Variants in WDR20 observed in about 807,000 individuals in gnomAD.
The protein encoded by WDR20 is WD repeat domain 20.
Under a neutral mutation model 38.7 loss-of-function variants are expected in WDR20, and 3 were observed. The ratio of observed to expected loss-of-function variants is 0.08; its 90% CI spans 0.04 to 0.20. The LOEUF is 0.20. Among genes scored for constraint, WDR20 ranks in the 10% least tolerant of loss-of-function variants. The pLI is 1.00. For missense variants in WDR20, 559 were observed against 727.7 expected (o/e 0.77, Z 2.67); for synonymous variants, 298 against 285.6 (o/e 1.04, Z -0.44).
Position 102,209,462 on chromosome 14 carries a change from G to C in WDR20, c.1292G>C (p.Arg431Pro). The C allele has an allele frequency of 6.2e-7, 1 of 1,614,136 alleles. No individual in the cohort carries two copies. The highest frequency in any genetic ancestry group is 1.1e-5 in the South Asian group (1 of 91,084). Reference protein sequence around the residue: ...PGNSVPPPLPRSNSLPHSAVS... With the variant: ...PGNSVPPPLPPSNSLPHSAVS... ...AACTCTGTGCCGCCTCCTCTGCCAC[G>C]GTCCAACAGCCTTCCACATTCAGCA... Residue 431 changes from arginine (R) to proline (P), a missense_variant, in exon 3 of 3, where the codon CGG becomes CCG. Physicochemically the swap from Arg to Pro is moderately radical, Grantham distance 103. Transcript: ENST00000342702. This position sits in a 1 kb window ranked among gnomAD's most constrained non-coding sequence, Gnocchi z 6.0.
chr14:102,209,949 C>G lies in WDR20; in HGVS notation c.*69C>G. ...TTTTTCGTGGGAGGGGTGGGGTGTACAATGAATGTGAATGACACTTCTTAT... is the reference window on the plus strand; with the variant it reads ...TTTTTCGTGGGAGGGGTGGGGTGTAGAATGAATGTGAATGACACTTCTTAT... On this transcript the variant is annotated 3_prime_UTR_variant, in exon 3 of 3. Transcript: ENST00000342702. This position sits in a 1 kb window ranked among gnomAD's most constrained non-coding sequence, Gnocchi z 6.0. 1 of 1,509,694 alleles carries G rather than the reference C, an allele frequency of 6.6e-7. No individual in the cohort carries two copies. The highest frequency in any genetic ancestry group is 1.4e-5 in the South Asian group (1 of 74,042). 93.5% of individuals were successfully genotyped at this position (1,509,694 alleles called of 1,614,324 possible). A position where few individuals can be genotyped will look rare whatever the true frequency, so the allele number is the denominator to read the frequency against.
chr14:102,187,375 G>A (rs1229544189), intron 1 of WDR20, among the ~76,000 whole-genome samples: 2 of 151,598 alleles, frequency 1.3e-5, no homozygotes, highest in African/African-American at 4.9e-5. Context: ...GATAGGCATC[G>A]GTGAAGGGGT....
At chr14:102,151,688 C>T (rs2152724734) in intron 1 of WDR20, among the ~76,000 whole-genome samples, 1 of 151,914 alleles carries the variant, frequency 6.6e-6, no homozygotes, top group South Asian at 2.1e-4. Flanking sequence ...CATGCTGGGC[C>T]AGGAAATATT....
Position 102,188,694 on chromosome 14 carries a change from ACT to A in WDR20, c.250-6243_250-6242del, listed in dbSNP as rs534747609. Among the ~76,000 whole-genome samples the A allele has an allele frequency of 3.8e-3, 575 of 150,508 alleles. 8 individuals carry two copies. In the East Asian group the frequency reaches 0.048, roughly 13 times the overall value. On this transcript the variant is annotated intron_variant, in intron 1 of 2. Transcript: ENST00000342702. ...ACCAGCCTGGGCAACATGGCAAGAC[ACT>A]GTCTCTACAGAAAATTAAAAAAAAA...
chr14:102,185,773 G>A (rs971624548), intron 1 of WDR20, among the ~76,000 whole-genome samples: 5 of 148,974 alleles, frequency 3.4e-5, no homozygotes, highest in East Asian at 1.9e-4. Context: ...TCGAGATTGC[G>A]CCACTGCAGT....
At chr14:102,199,448 A>T (rs2059946845) in intron 2 of WDR20, among the ~76,000 whole-genome samples, 1 of 152,068 alleles carries the variant, frequency 6.6e-6, no homozygotes. Flanking sequence ...CCGTTTTGAA[A>T]TACAAATAAT....
intron 1 of WDR20, among the ~76,000 whole-genome samples, chr14:102,188,515 C>G (rs534984530): frequency 6.6e-6 from 1 of 152,068 alleles, no homozygotes; most frequent in Non-Finnish European, 1.5e-5. Context: ...GACCTATAGG[C>G]TCATTAGTGC....
At chr14:102,211,579 G>C (rs1037920281), downstream of WDR20, among the ~76,000 whole-genome samples, 1 of 152,152 alleles carries the variant, frequency 6.6e-6, no homozygotes, top group Non-Finnish European at 1.5e-5. This position sits in a 1 kb window ranked among gnomAD's most constrained non-coding sequence, Gnocchi z 4.2. Context: ...TCACATCCCT[G>C]AGCACTGCTC....
rs1276243539 is a variant in WDR20 at position 102,207,710 on chromosome 14, C to T, written c.433-893C>T. On this transcript the variant is annotated intron_variant, in intron 2 of 2. Coordinates refer to ENST00000342702, the MANE Select transcript of WDR20 (RefSeq NM_144574.4). The surrounding 1 kb of genome is among the most constrained non-coding windows in gnomAD (Gnocchi z 5.0). ...GGGACCGCCCCTGTGGAAGGTGTTG[C>T]GCTGGCATCCCCATCACAGGATTGA... is the stretch of plus-strand genomic sequence containing the variant. Among the ~76,000 whole-genome samples the T allele has an allele frequency of 1.3e-5, 2 of 152,198 alleles. No homozygotes were observed.
chr14:102,161,139 TATA>T (rs1458045026), intron 1 of WDR20, among the ~76,000 whole-genome samples: 11 of 19,152 alleles, frequency 5.7e-4, no homozygotes, highest in Middle Eastern at 0.013. Flanking sequence ...TATATATATA[TATA>T]TTTTTTTTTT....
At chr14:102,219,248 C>T (rs114389613), downstream of WDR20, among the ~76,000 whole-genome samples, 223 of 152,334 alleles carry the variant, frequency 1.5e-3, no homozygotes, top group African/African-American at 4.9e-3. Context: ...TTTTGAATGG[C>T]GCTTTTTCCT....
downstream of WDR20, among the ~76,000 whole-genome samples, chr14:102,218,009 AGGT>A (rs2063434111): frequency 6.6e-6 from 1 of 152,166 alleles, no homozygotes; most frequent in African/African-American, 2.4e-5. Context: ...ACGCCAGTGG[AGGT>A]GACCTCCACA....
intron 1 of WDR20, chr14:102,193,590 G>A (rs2058913111): frequency 2.3e-5 from 33 of 1,450,240 alleles, no homozygotes; most frequent in South Asian, 3.7e-5. Context: ...ACTTGTTACC[G>A]CTCAGGTCCA....
chr14:102,215,560 C>T (rs556838235), downstream of WDR20, among the ~76,000 whole-genome samples: 4 of 152,098 alleles, frequency 2.6e-5, no homozygotes, highest in Admixed American at 6.6e-5. Flanking sequence ...CCCATCAACC[C>T]GTCATCTATG....
downstream of WDR20, among the ~76,000 whole-genome samples, chr14:102,216,417 G>A (rs879496105): frequency 1.3e-5 from 2 of 152,070 alleles, no homozygotes; most frequent in Non-Finnish European, 2.9e-5. Context: ...TAGGCCTCTT[G>A]AGTAACTGGG....
chr14:102,198,487 T>C (rs1431079498), intron 2 of WDR20: 1 of 156,762 alleles, frequency 6.4e-6, no homozygotes, highest in Non-Finnish European at 1.4e-5. Flanking sequence ...TTTTAAGCTG[T>C]GCCTCATGTG....
At chr14:102,155,867 C>T (rs542480839) in intron 1 of WDR20, among the ~76,000 whole-genome samples, 25 of 151,570 alleles carry the variant, frequency 1.6e-4, no homozygotes, top group African/African-American at 4.8e-4. Context: ...CCTCCATCCC[C>T]GGGCTCAAAT....
chr14:102,146,582 G>C (rs1210992435), intron 1 of WDR20, among the ~76,000 whole-genome samples: 1 of 152,194 alleles, frequency 6.6e-6, no homozygotes, highest in Non-Finnish European at 1.5e-5. Flanking sequence ...TGACTTGAGA[G>C]AGAATGAGCG....
intron 1 of WDR20, among the ~76,000 whole-genome samples, chr14:102,141,522 C>G (rs1429882080): frequency 2.0e-5 from 3 of 151,808 alleles, no homozygotes; most frequent in Admixed American, 1.3e-4. Flanking sequence ...TGCAAAAGCT[C>G]GAAGTAGTCT....
Sources: allele counts gnomAD v4.1 joint callset (sites outside exome capture counted in the v4.1 genomes callset), GRCh38; gene constraint gnomAD v4.1.1; non-coding constraint Gnocchi (gnomAD v3.1); transcripts MANE v1.5; gene names NCBI Gene and HGNC (gene_info 2026-07-23, HGNC 2026-07-21).